Variants in VPS37B observed in about 807,000 individuals in gnomAD.
The protein encoded by VPS37B is vacuolar protein sorting-associated protein 37B.
In VPS37B, 11 loss-of-function variants were observed where a neutral mutation model predicts 21.2. That is an observed-to-expected ratio of 0.52 (90% confidence interval 0.33 to 0.86). The LOEUF (loss-of-function observed/expected upper bound fraction) is 0.86, where lower values mean the gene tolerates loss of function less well. Among genes scored for constraint, VPS37B ranks in the 40% least tolerant of loss-of-function variants. The pLI is 0.03. For synonymous variants in VPS37B, 175 were observed against 159.6 expected, an observed-to-expected ratio of 1.10 and a Z score of -0.73; for missense variants, 389 against 374.8, an observed-to-expected ratio of 1.04 and a Z score of -0.31.
intron 1 of VPS37B, among the ~76,000 whole-genome samples, chr12:122,893,490 C>A (rs1376841927): frequency 6.7e-6 from 1 of 148,812 alleles, no homozygotes; most frequent in African/African-American, 2.5e-5. Context: ...AAAATATTTT[C>A]TTCTATTGTG....
chr12:122,876,719 G>GA (rs397965812), intron 1 of VPS37B: 3,165 of 131,108 alleles, frequency 0.024, 100 homozygotes, highest in African/African-American at 0.079. Context: ...CTCAGAAAGA[G>GA]AAAAAAAAAA....
In VPS37B at chr12:122,867,041, C is replaced by T. The variant is rs2135691861; in HGVS notation, c.*75G>A. The T allele has an allele frequency of 6.9e-7, 1 of 1,445,736 alleles. No homozygotes were observed. The highest frequency in any genetic ancestry group is 2.5e-5 in the East Asian group (1 of 40,050). The allele number at this position is 1,445,736 out of a possible 1,614,324, so 89.6% of individuals were successfully genotyped here. A position where few individuals can be genotyped will look rare whatever the true frequency, so the allele number is the denominator to read the frequency against. ...CCAGAGCCCTTGGCACAGAGCGGAC[C>T]TCCAGCCTCCTTCCCGTGAGCAGAG... On this transcript the variant is annotated 3_prime_UTR_variant, in exon 4 of 4. Transcript: ENST00000267202. The surrounding 1 kb of genome is among the most constrained non-coding windows in gnomAD (Gnocchi z 5.5).
intron 1 of VPS37B, among the ~76,000 whole-genome samples, chr12:122,894,020 A>T (rs1396350037): frequency 6.6e-6 from 1 of 152,196 alleles, no homozygotes; most frequent in Non-Finnish European, 1.5e-5. Flanking sequence ...CCACCAACAA[A>T]GCTACAGTAC....
intron 1 of VPS37B, chr12:122,883,606 A>C (rs1192417863): frequency 1.3e-5 from 2 of 152,282 alleles, no homozygotes; most frequent in African/African-American, 2.4e-5. Flanking sequence ...CAGCCTCCCA[A>C]GTAGCTGAGA....
At chr12:122,892,327 C>T (rs1295295907) in intron 1 of VPS37B, among the ~76,000 whole-genome samples, 2 of 152,092 alleles carry the variant, frequency 1.3e-5, no homozygotes, top group African/African-American at 4.8e-5. Flanking sequence ...ACTTAAACTG[C>T]ACTGAAACTC....
chr12:122,868,449 CA>C lies in VPS37B; in HGVS notation c.366+30del, dbSNP rs1307338705. On this transcript the variant is annotated intron_variant, in intron 3 of 3. Coordinates refer to ENST00000267202, the MANE Select transcript of VPS37B (RefSeq NM_024667.3). This position sits in a 1 kb window ranked among gnomAD's most constrained non-coding sequence, Gnocchi z 5.5. ...GGCCCACGGACTGCCCAAAGCGCCC[CA>C]AGGATTCCACCAAGGCTGGTGGGCT... 6.2e-7 allele frequency: 1 copy of C among 1,606,114 alleles called. No individual in the cohort carries two copies. Among genetic ancestry groups the C allele is most frequent in the Non-Finnish European group, 8.5e-7 (1 of 1,176,460 alleles).
At chr12:122,875,643 A>G (rs1173011492) in intron 1 of VPS37B, 1 of 152,226 alleles carries the variant, frequency 6.6e-6, no homozygotes, top group South Asian at 2.1e-4. Context: ...TTTGCAAAGC[A>G]AAGGCAAATT....
At chr12:122,888,288 G>A in intron 1 of VPS37B, 1 of 317,214 alleles carries the variant, frequency 3.2e-6, no homozygotes, top group Non-Finnish European at 6.3e-6. Flanking sequence ...ACAAAGCTAA[G>A]CTAAGTCACC....
chr12:122,882,387 G>A (rs182607850), intron 1 of VPS37B: 1 of 152,240 alleles, frequency 6.6e-6, no homozygotes, highest in East Asian at 1.9e-4. Context: ...TACATTTGCT[G>A]CCCCCAAGCT....
intron 1 of VPS37B, chr12:122,874,204 A>T (rs2034100005): frequency 6.6e-6 from 1 of 152,230 alleles, no homozygotes. Flanking sequence ...TGCAGCACCG[A>T]CCGACATTCC....
At chr12:122,888,508 C>T in intron 1 of VPS37B, 1 of 455,816 alleles carries the variant, frequency 2.2e-6, no homozygotes, top group Non-Finnish European at 4.4e-6. Flanking sequence ...TAGATCACCT[C>T]CCACTGCGTA....
At position 122,867,321 on chromosome 12, in the gene VPS37B, C is replaced by T. The variant is rs764042105; in HGVS notation, c.653G>A (p.Arg218His). The change falls in exon 4 of 4, where the codon CGC (arginine) becomes CAC (histidine). Residue 218 changes from arginine (R) to histidine (H), a missense_variant. Transcript: ENST00000267202. This position sits in a 1 kb window ranked among gnomAD's most constrained non-coding sequence, Gnocchi z 5.5. ...PPPPPPVPAGRLATPFTAAMS... is the reference protein window; with the variant it reads ...PPPPPPVPAGHLATPFTAAMS... ...GGCCGCAGTAAACGGGGTGGCTAAG[C>T]GTCCCGCAGGCACCGGGGGTGGTGG... The T allele has an allele frequency of 2.4e-5, 35 of 1,452,924 alleles. No individual in the cohort carries two copies. Among genetic ancestry groups the T allele is most frequent in the Non-Finnish European group, 3.0e-5 (32 of 1,054,308 alleles). The allele number at this position is 1,452,924 out of a possible 1,614,324, so 90.0% of individuals were successfully genotyped here.
chr12:122,876,994 C>T (rs1421570777), intron 1 of VPS37B: 2 of 152,146 alleles, frequency 1.3e-5, no homozygotes, highest in Admixed American at 6.5e-5. Context: ...ATTCTGATTC[C>T]AGCTGGCCAG....
intron 1 of VPS37B, chr12:122,878,292 G>C (rs1352197831): frequency 6.6e-6 from 1 of 150,442 alleles, no homozygotes; most frequent in Non-Finnish European, 1.5e-5. Flanking sequence ...CCGGGAGGCA[G>C]AGGTTGCAGT....
chr12:122,887,160 T>C (rs1340219570), intron 1 of VPS37B: 2 of 152,228 alleles, frequency 1.3e-5, no homozygotes, highest in East Asian at 3.8e-4. Flanking sequence ...AAGTCAGTTA[T>C]CTCGGCTGCC....
In VPS37B at chr12:122,868,634, G is replaced by A; in HGVS notation, c.284-72C>T. ...AAAGCCCTTCATGATGCCAACCACG[G>A]CAGGATTGCACCTTCCTTTCCAGGA... On this transcript the variant is annotated intron_variant, in intron 2 of 3. Coordinates refer to ENST00000267202, the MANE Select transcript of VPS37B (RefSeq NM_024667.3). This position sits in a 1 kb window ranked among gnomAD's most constrained non-coding sequence, Gnocchi z 5.5. 7.7e-7 allele frequency: 1 copy of A among 1,300,620 alleles called. No homozygotes were observed. Among genetic ancestry groups the A allele is most frequent in the Admixed American group, 1.9e-5 (1 of 53,178 alleles). 80.6% of individuals were successfully genotyped at this position (1,300,620 alleles called of 1,614,324 possible). A position where few individuals can be genotyped will look rare whatever the true frequency, so the allele number is the denominator to read the frequency against.
In VPS37B at chr12:122,865,602, CATTTCCTTT is replaced by C. The variant is rs1392998191; in HGVS notation, c.*1505_*1513del. 12 of 53,468 alleles carry C rather than the reference CATTTCCTTT, an allele frequency of 2.2e-4. No individual in the cohort carries two copies. In the Admixed American group the frequency reaches 3.2e-3, roughly 14 times the overall value. 3.3% of individuals were successfully genotyped at this position (53,468 alleles called of 1,614,324 possible). ...GGCAGTGAATCGTCCTGTACAGCTT[CATTTCCTTT>C]AAGAAAACAGTTACAGTAGAGTTCA... On this transcript the variant is annotated 3_prime_UTR_variant, in exon 4 of 4. Transcript: ENST00000267202.
chr12:122,871,110 AAACC>A, intron 1 of VPS37B, 49 bp from the exon 2 acceptor site: 1 of 1,601,138 alleles, frequency 6.2e-7, no homozygotes, highest in Non-Finnish European at 8.5e-7. Flanking sequence ...ATCAGCTCCT[AAACC>A]CCTGAGGTCC....
In VPS37B at chr12:122,876,244, T is replaced by G. The variant is rs143697868; in HGVS notation, c.112-5183A>C. On this transcript the variant is annotated intron_variant, in intron 1 of 3. Coordinates refer to ENST00000267202, the MANE Select transcript of VPS37B (RefSeq NM_024667.3). ...TTTTTTTACTTTCCACTTTCTACTT[T>G]TAACTATCACAGTGTTTGATTCATT... is the stretch of plus-strand genomic sequence containing the variant. The G allele has an allele frequency of 5.9e-5, 9 of 152,320 alleles. No individual in the cohort carries two copies. The East Asian group carries it at 1.7e-3, about 29-fold the overall frequency. 9.4% of individuals were successfully genotyped at this position (152,320 alleles called of 1,614,324 possible).
Sources: gnomAD v4.1 joint callset for allele counts (sites outside exome capture counted in the v4.1 genomes callset) on GRCh38, gnomAD v4.1.1 for gene constraint, Gnocchi (gnomAD v3.1) non-coding constraint, MANE v1.5 for transcripts, NCBI Gene and HGNC (gene_info 2026-07-23, HGNC 2026-07-21) for gene names.